The following ADAM32 variants were observed in gnomAD, a reference collection of about 807,000 sequenced individuals.
The protein encoded by ADAM32 is ADAM metallopeptidase domain 32, also known as disintegrin and metalloproteinase domain-containing protein 32.
Under a neutral mutation model 114.9 loss-of-function variants are expected in ADAM32, and 89 were observed. The ratio of observed to expected loss-of-function variants is 0.77; its 90% confidence interval spans 0.65 to 0.92. ADAM32 has a LOEUF of 0.92. ADAM32 is among the 40% of genes least tolerant of loss of function. ADAM32 has a pLI of 0.00. For synonymous variants in ADAM32, 285 were observed against 307.5 expected (o/e 0.93, Z 0.77); for missense variants, 870 against 932.8 (o/e 0.93, Z 0.88).
At chr8:39,184,523 T>C (rs4273822) in intron 10 of ADAM32, among the ~76,000 whole-genome samples, 72,102 of 152,078 alleles carry the variant, frequency 0.47, 18,295 homozygotes, top group South Asian at 0.69. Flanking sequence ...ACTAAGGTGG[T>C]ATTCAGTTTT....
At position 39,193,310 on chromosome 8, in the gene ADAM32, G is replaced by A. The variant is rs113878352; in HGVS notation, c.1052+6265G>A. Among the ~76,000 whole-genome samples, 1,153 of 152,200 alleles carry A rather than the reference G, an allele frequency of 7.6e-3. 18 individuals carry two copies. The highest frequency in any genetic ancestry group is 0.027 in the African/African-American group (1,108 of 41,510). ...TGTTCTGCTCTTAATAGTTGCAATT[G>A]CATTATGAAATTTTTATACTGTGTT... is the stretch of plus-strand genomic sequence containing the variant. On this transcript the variant is annotated intron_variant, in intron 11 of 24. Coordinates refer to ENST00000379907, the MANE Select transcript of ADAM32 (RefSeq NM_145004.7).
At chr8:39,282,360 ACTACT>A (rs1813474198) in intron 23 of ADAM32, among the ~76,000 whole-genome samples, 1 of 152,164 alleles carries the variant, frequency 6.6e-6, no homozygotes, top group Non-Finnish European at 1.5e-5. Flanking sequence ...TAGTGGTGTA[ACTACT>A]CTAATTGTCC....
At chr8:39,241,746 G>C (rs1033480811) in intron 16 of ADAM32, among the ~76,000 whole-genome samples, 1 of 152,202 alleles carries the variant, frequency 6.6e-6, no homozygotes, top group African/African-American at 2.4e-5. Flanking sequence ...AAACCTCCAG[G>C]CCTCTGACTG....
chr8:39,273,834 G>C (rs1812904497), intron 20 of ADAM32, among the ~76,000 whole-genome samples: 1 of 152,018 alleles, frequency 6.6e-6, no homozygotes, highest in African/African-American at 2.4e-5. Context: ...TCTATGCGAG[G>C]AATGGAAAGG....
chr8:39,164,067 C>T (rs1804681020), intron 7 of ADAM32, among the ~76,000 whole-genome samples: 1 of 152,130 alleles, frequency 6.6e-6, no homozygotes, highest in Non-Finnish European at 1.5e-5. Context: ...CCTTCCATAA[C>T]CATTGCCACA....
At chr8:39,249,895 A>C (rs1186537778) in intron 17 of ADAM32, among the ~76,000 whole-genome samples, 1 of 151,626 alleles carries the variant, frequency 6.6e-6, no homozygotes, top group Admixed American at 6.6e-5. Context: ...TAAATATTTC[A>C]CTCCTCACTC....
intron 20 of ADAM32, 60 bp downstream of exon 20, chr8:39,270,974 T>G: frequency 6.7e-7 from 1 of 1,501,406 alleles, no homozygotes; most frequent in Non-Finnish European, 9.1e-7. Context: ...TAATTGATAA[T>G]TCACAATTTA....
At chr8:39,236,584 C>T (rs1401563083) in intron 16 of ADAM32, among the ~76,000 whole-genome samples, 3 of 152,016 alleles carry the variant, frequency 2.0e-5, no homozygotes, top group Non-Finnish European at 4.4e-5. Context: ...TCCCCTACTC[C>T]CCCACAAAAC....
chr8:39,225,113 C>T (rs6990092), intron 14 of ADAM32, among the ~76,000 whole-genome samples: 14,317 of 152,164 alleles, frequency 0.094, 2,280 homozygotes, highest in African/African-American at 0.33. Flanking sequence ...CAAGAATCAG[C>T]TACTATTTTA....
intron 7 of ADAM32, among the ~76,000 whole-genome samples, chr8:39,162,380 T>C (rs964054653): frequency 6.6e-6 from 1 of 152,080 alleles, no homozygotes; most frequent in Admixed American, 6.5e-5. Context: ...ATGGTGTATA[T>C]GTGCCACATA....
chr8:39,120,055 G>A (rs377024754), intron 2 of ADAM32, among the ~76,000 whole-genome samples: 30 of 152,204 alleles, frequency 2.0e-4, no homozygotes, highest in African/African-American at 6.0e-4. Flanking sequence ...AAGAGGAGAG[G>A]CCTCACCAGA....
chr8:39,150,041 T>C (rs867619054), intron 5 of ADAM32, among the ~76,000 whole-genome samples, 174 bp downstream of exon 5: 6 of 152,302 alleles, frequency 3.9e-5, no homozygotes, highest in Admixed American at 1.3e-4. Context: ...CTTTCCTCAG[T>C]GACCAGAGAC....
intron 1 of ADAM32, among the ~76,000 whole-genome samples, chr8:39,110,508 G>T (rs1347819332): frequency 6.6e-6 from 1 of 152,162 alleles, no homozygotes; most frequent in Non-Finnish European, 1.5e-5. Context: ...AAACATCTAT[G>T]TGCAGGTTTT....
chr8:39,112,519 C>T (rs12548416), intron 1 of ADAM32, among the ~76,000 whole-genome samples: 4 of 151,896 alleles, frequency 2.6e-5, no homozygotes, highest in African/African-American at 9.7e-5. Flanking sequence ...CAACTTTAGA[C>T]AACGTAGCCT....
At chr8:39,164,010 G>A (rs1485841853) in intron 7 of ADAM32, among the ~76,000 whole-genome samples, 1 of 152,138 alleles carries the variant, frequency 6.6e-6, no homozygotes, top group Non-Finnish European at 1.5e-5. Flanking sequence ...ACTCATTTGT[G>A]TGTGTGCATT....
At chr8:39,270,501 T>C (rs1393543770) in intron 19 of ADAM32, among the ~76,000 whole-genome samples, 1 of 152,170 alleles carries the variant, frequency 6.6e-6, no homozygotes, top group Admixed American at 6.5e-5. Context: ...TGCTACTAAA[T>C]CTCTGGCCTC....
intron 9 of ADAM32, chr8:39,167,477 G>T (rs949027381): frequency 2.6e-5 from 4 of 152,154 alleles, no homozygotes; most frequent in African/African-American, 9.7e-5. Context: ...CAGTTAGTGT[G>T]ATGGCTCCAG....
At chr8:39,163,516 G>T (rs13439859) in intron 7 of ADAM32, among the ~76,000 whole-genome samples, 37,476 of 152,056 alleles carry the variant, frequency 0.25, 4,983 homozygotes, top group Non-Finnish European at 0.29. Flanking sequence ...TGAAAACTTA[G>T]AAATTAGTGG....
intron 12 of ADAM32, among the ~76,000 whole-genome samples, chr8:39,213,251 C>A (rs962793002): frequency 1.3e-5 from 2 of 151,716 alleles, no homozygotes; most frequent in African/African-American, 4.8e-5. Flanking sequence ...TATTTTGATA[C>A]CTGTATAGAA....
Sources: gnomAD v4.1 joint callset for allele counts (sites outside exome capture counted in the v4.1 genomes callset) on GRCh38, gnomAD v4.1.1 for gene constraint, MANE v1.5 for transcripts, NCBI Gene and HGNC (gene_info 2026-07-23, HGNC 2026-07-21) for gene names.